RAB38: variants seen among roughly 807,000 people sequenced by gnomAD.
The protein encoded by RAB38 is ras-related protein Rab-38.
Under a neutral mutation model 18.4 loss-of-function variants are expected in RAB38, and 15 were observed. The observed-to-expected ratio is 0.82, with a 90% confidence interval of 0.55 to 1.26. RAB38 has a LOEUF of 1.26. Among genes scored for constraint, RAB38 ranks in the 50% most tolerant of loss-of-function variants. RAB38 has a pLI of 0.00. For missense variants in RAB38, 294 were observed against 267.4 expected (o/e 1.10, Z -0.69); for synonymous variants, 101 against 104.4 (o/e 0.97, Z 0.20).
chr11:88,044,875 C>A, the RAB38 span, among the ~76,000 whole-genome samples: 1 of 152,140 alleles, frequency 6.6e-6, no homozygotes, highest in African/African-American at 2.4e-5. Context: ...TCAGCCTCTG[C>A]TCCACCACCC....
the RAB38 span, among the ~76,000 whole-genome samples, chr11:87,891,215 TCTTG>T: frequency 6.6e-6 from 1 of 151,912 alleles, no homozygotes; most frequent in South Asian, 2.1e-4. Flanking sequence ...TCCTCCATTT[TCTTG>T]CTTGTCATCA....
the RAB38 span, among the ~76,000 whole-genome samples, chr11:87,834,479 A>T: frequency 6.6e-6 from 1 of 152,182 alleles, no homozygotes; most frequent in Admixed American, 6.5e-5. Context: ...GCCATAGAAA[A>T]CTAATACAGA....
the RAB38 span, among the ~76,000 whole-genome samples, chr11:88,069,105 C>T: frequency 6.6e-6 from 1 of 152,210 alleles, no homozygotes; most frequent in Non-Finnish European, 1.5e-5. Context: ...CCAGGGCGAG[C>T]TCCCGGTGGG....
At chr11:87,950,682 A>G in the RAB38 span, among the ~76,000 whole-genome samples, 1 of 152,102 alleles carries the variant, frequency 6.6e-6, no homozygotes, top group Non-Finnish European at 1.5e-5. Context: ...TGGGTTGAAA[A>G]TTCTTTTCTT....
At chr11:87,849,913 A>T in the RAB38 span, among the ~76,000 whole-genome samples, 2 of 152,228 alleles carry the variant, frequency 1.3e-5, no homozygotes, top group African/African-American at 2.4e-5. Flanking sequence ...ATGAGCTCAA[A>T]CTAGTTGTAT....
chr11:88,103,596 GAGA>G, the RAB38 span, among the ~76,000 whole-genome samples: 1 of 152,098 alleles, frequency 6.6e-6, no homozygotes, highest in South Asian at 2.1e-4. Context: ...CGCTTTAAGT[GAGA>G]AGGAATCCTT....
the RAB38 span, among the ~76,000 whole-genome samples, chr11:88,094,612 C>T: frequency 6.6e-6 from 1 of 151,994 alleles, no homozygotes; most frequent in East Asian, 1.9e-4. Context: ...CATGTGTCCT[C>T]ATATCCCTTA....
At chr11:87,848,200 A>G in the RAB38 span, among the ~76,000 whole-genome samples, 4 of 152,258 alleles carry the variant, frequency 2.6e-5, no homozygotes, top group Admixed American at 2.0e-4. Context: ...ATCATCATCT[A>G]TTAGCAAGCT....
chr11:87,856,638 T>A, the RAB38 span, among the ~76,000 whole-genome samples: 1 of 152,160 alleles, frequency 6.6e-6, no homozygotes, highest in Non-Finnish European at 1.5e-5. Flanking sequence ...AATTCAAATT[T>A]ATCATCAAGG....
At chr11:87,897,892 C>A in the RAB38 span, among the ~76,000 whole-genome samples, 2 of 151,544 alleles carry the variant, frequency 1.3e-5, no homozygotes, top group East Asian at 2.0e-4. Flanking sequence ...GGAGAAGGAG[C>A]AGATGGGCTT....
chr11:88,059,709 C>T, the RAB38 span, among the ~76,000 whole-genome samples: 17 of 152,306 alleles, frequency 1.1e-4, no homozygotes, highest in East Asian at 3.3e-3. Context: ...GAGATCCCTC[C>T]TTGCATGGCC....
chr11:87,824,045 G>T, the RAB38 span, among the ~76,000 whole-genome samples: 1 of 152,100 alleles, frequency 6.6e-6, no homozygotes, highest in East Asian at 1.9e-4. Context: ...GAAAGATGAG[G>T]ATTAGTTAAA....
intron 2 of RAB38, among the ~76,000 whole-genome samples, chr11:88,140,230 A>T (rs7478926): frequency 0.55 from 83,156 of 152,044 alleles, 23,473 homozygotes; most frequent in African/African-American, 0.68. Context: ...TGCAGGGCAC[A>T]ACAATCTCCC....
chr11:88,050,928 G>C, the RAB38 span, among the ~76,000 whole-genome samples: 3 of 152,176 alleles, frequency 2.0e-5, no homozygotes, highest in African/African-American at 7.2e-5. Flanking sequence ...CCTGGCTCCA[G>C]ATGGAGGTGC....
the RAB38 span, among the ~76,000 whole-genome samples, chr11:88,063,653 G>A: frequency 6.6e-6 from 1 of 152,196 alleles, no homozygotes; most frequent in Non-Finnish European, 1.5e-5. Context: ...GCCAGGTGGA[G>A]ATAATTGAAT....
intron 2 of RAB38, among the ~76,000 whole-genome samples, chr11:88,145,528 T>C (rs1942974310): frequency 6.6e-6 from 1 of 152,092 alleles, no homozygotes; most frequent in Non-Finnish European, 1.5e-5. Flanking sequence ...CAGCAACTGA[T>C]GGAGATTCAG....
At chr11:87,964,367 A>G in the RAB38 span, among the ~76,000 whole-genome samples, 4 of 152,098 alleles carry the variant, frequency 2.6e-5, no homozygotes, top group South Asian at 2.1e-4. Context: ...TTATTCATGT[A>G]ATGGTCATAC....
At chr11:88,026,399 T>G in the RAB38 span, among the ~76,000 whole-genome samples, 332 of 148,466 alleles carry the variant, frequency 2.2e-3, 3 homozygotes, top group African/African-American at 7.8e-3. Context: ...CCGTCTCCAC[T>G]AAAAAAACAA....
At chr11:88,033,616 TTG>T in the RAB38 span, among the ~76,000 whole-genome samples, 7,457 of 152,092 alleles carry the variant, frequency 0.049, 204 homozygotes, top group Middle Eastern at 0.11. Context: ...ACGTTTCCAG[TTG>T]TGTTTCTGTG....
Sources: gnomAD v4.1 joint callset for allele counts (sites outside exome capture counted in the v4.1 genomes callset) on GRCh38, gnomAD v4.1.1 for gene constraint, MANE v1.5 for transcripts, NCBI Gene and HGNC (gene_info 2026-07-23, HGNC 2026-07-21) for gene names.